Variants in EDEM3 observed in about 807,000 individuals in gnomAD.
EDEM3 encodes the protein ER degradation-enhancing alpha-mannosidase-like protein 3.
A neutral mutation model predicts 110.2 loss-of-function variants in EDEM3; 60 were observed. The ratio of observed to expected loss-of-function variants is 0.54; its 90% CI spans 0.44 to 0.67. EDEM3 has a LOEUF of 0.67. EDEM3 is among the 30% of genes least tolerant of loss of function. The probability of loss-of-function intolerance (pLI) is 0.00; values close to 1 mark genes in which losing one functional copy is unlikely to be tolerated. For missense variants in EDEM3, 996 were observed against 1,121.0 expected (o/e 0.89, Z 1.59); for synonymous variants, 352 against 382.9 (o/e 0.92, Z 0.94).
chr1:184,750,845 C>T (rs1469357687), intron 1 of EDEM3, among the ~76,000 whole-genome samples: 1 of 152,130 alleles, frequency 6.6e-6, no homozygotes, highest in African/African-American at 2.4e-5. Flanking sequence ...GTTCCAATCA[C>T]TGATGGCAAG....
At chr1:184,741,942 T>G (rs1254838748) in intron 2 of EDEM3, among the ~76,000 whole-genome samples, 1 of 152,036 alleles carries the variant, frequency 6.6e-6, no homozygotes, top group Non-Finnish European at 1.5e-5. Context: ...AAGACTAGAG[T>G]GGTCTTTTGT....
rs539744826 is a variant in EDEM3, at chr1:184,737,719, G to A, written c.205-8C>T. ...AGCAGGGTAAGCATGTTCCTGCAAGGAAAACTTTAGTAAGTTACTAAGGAA... is the reference window on the plus strand; with the variant it reads ...AGCAGGGTAAGCATGTTCCTGCAAGAAAAACTTTAGTAAGTTACTAAGGAA... On this transcript the variant is annotated splice_region_variant and splice_polypyrimidine_tract_variant and intron_variant, in intron 2 of 19. Coordinates refer to ENST00000318130, the MANE Select transcript of EDEM3 (RefSeq NM_025191.4). 14 of 1,611,174 alleles carry A rather than the reference G, an allele frequency of 8.7e-6. No homozygotes were observed. The highest frequency in any genetic ancestry group is 6.7e-5 in the East Asian group (3 of 44,824).
At chr1:184,728,180 G>C (rs55896922) in intron 6 of EDEM3, among the ~76,000 whole-genome samples, 11,285 of 152,098 alleles carry the variant, frequency 0.074, 471 homozygotes, top group African/African-American at 0.12. Context: ...AATCCAGACA[G>C]AGCAAATAAG....
At chr1:184,705,010 G>A (rs1462627669) in intron 18 of EDEM3, among the ~76,000 whole-genome samples, 1 of 152,162 alleles carries the variant, frequency 6.6e-6, no homozygotes, top group Non-Finnish European at 1.5e-5. Flanking sequence ...GATGGAGGTT[G>A]CAGTGAGCCA....
At chr1:184,724,176 CAT>C (rs1440619200) in intron 7 of EDEM3, among the ~76,000 whole-genome samples, 2 of 152,018 alleles carry the variant, frequency 1.3e-5, no homozygotes, top group Non-Finnish European at 2.9e-5. Flanking sequence ...TATTCACACA[CAT>C]GTATTATTAA....
intron 16 of EDEM3, among the ~76,000 whole-genome samples, chr1:184,709,748 CT>C (rs1650125145): frequency 6.6e-6 from 1 of 152,116 alleles, no homozygotes; most frequent in Non-Finnish European, 1.5e-5. Context: ...GAGATGAAAA[CT>C]TGAGGGTGTG....
chr1:184,708,819 G>A lies in EDEM3; in HGVS notation c.1846-475C>T, dbSNP rs188532431. ...CAGTCCTTTAAGAAATTTGTGTCTGGAGGAGAAAGACATGTAAAGTTAGCT... is the reference window on the plus strand; with the variant it reads ...CAGTCCTTTAAGAAATTTGTGTCTGAAGGAGAAAGACATGTAAAGTTAGCT... On this transcript the variant is annotated intron_variant, in intron 16 of 19. Coordinates refer to ENST00000318130, the MANE Select transcript of EDEM3 (RefSeq NM_025191.4). Among the ~76,000 whole-genome samples, 52 of 152,322 alleles carry A rather than the reference G, an allele frequency of 3.4e-4. 1 individual carries two copies. Among genetic ancestry groups the A allele is most frequent in the African/African-American group, 1.2e-3 (49 of 41,564 alleles).
chr1:184,712,066 AC>A (rs1418918742), intron 14 of EDEM3, among the ~76,000 whole-genome samples, 189 bp from the exon 15 acceptor site: 1 of 151,944 alleles, frequency 6.6e-6, no homozygotes, highest in Non-Finnish European at 1.5e-5. Context: ...AGCTGGGACT[AC>A]AGGCGCCCAC....
chr1:184,701,423 C>T (rs1473183772), intron 19 of EDEM3: 9 of 850,726 alleles, frequency 1.1e-5, no homozygotes, highest in East Asian at 1.5e-4. Context: ...TATATATGTA[C>T]TTGAGTGTGT....
In EDEM3 at chr1:184,694,391, G is replaced by A. The variant is rs1279146093; in HGVS notation, c.2471C>T (p.Ser824Phe). 4 of 1,612,248 alleles carry A rather than the reference G, an allele frequency of 2.5e-6. No individual in the cohort carries two copies. Among genetic ancestry groups the A allele is most frequent in the Non-Finnish European group, 1.7e-6 (2 of 1,179,458 alleles). Residue 824 changes from serine (S) to phenylalanine (F), a missense_variant, in exon 20 of 20, where the codon TCT (serine) becomes TTT (phenylalanine). Physicochemically the swap from Ser to Phe is radical, Grantham distance 155. This residue lies in a region of EDEM3 where 345 missense variants were observed against 402.0 expected (regional missense o/e 0.86). Transcript: ENST00000318130. ...TTGATCAACCAAATCAACCTCCTGA[G>A]AACTTGATGAAATCTGTTCACCACT... ...NQSGEQISSSSQEVDLVDQES... is the reference protein window; with the variant it reads ...NQSGEQISSSFQEVDLVDQES...
At chr1:184,717,198 A>G (rs1214075856) in intron 12 of EDEM3, among the ~76,000 whole-genome samples, 186 bp from the exon 13 acceptor site, 1 of 152,108 alleles carries the variant, frequency 6.6e-6, no homozygotes, top group East Asian at 1.9e-4. Flanking sequence ...TCTTAAATAC[A>G]CAATTATAAA....
intron 16 of EDEM3, among the ~76,000 whole-genome samples, chr1:184,709,699 T>C (rs935418685): frequency 5.9e-5 from 9 of 152,116 alleles, no homozygotes; most frequent in Admixed American, 5.9e-4. Context: ...GAAGGAAGAA[T>C]ACTCTTAAAA....
chr1:184,728,273 ATG>A (rs1320270754), intron 6 of EDEM3, among the ~76,000 whole-genome samples: 1 of 152,240 alleles, frequency 6.6e-6, no homozygotes, highest in East Asian at 1.9e-4. Context: ...AAGTGCTAAA[ATG>A]TGAATTTCAG....
intron 6 of EDEM3, among the ~76,000 whole-genome samples, chr1:184,730,033 G>A (rs932415997): frequency 6.6e-6 from 1 of 151,992 alleles, no homozygotes; most frequent in African/African-American, 2.4e-5. Flanking sequence ...GTACTAATAA[G>A]CAAAGAAATC....
chr1:184,747,039 T>C (rs1652470140), intron 2 of EDEM3, among the ~76,000 whole-genome samples: 1 of 151,094 alleles, frequency 6.6e-6, no homozygotes, highest in African/African-American at 2.4e-5. Context: ...AAAAACATTA[T>C]TTTACTTCAT....
chr1:184,706,346 TG>T (rs1170930531), intron 18 of EDEM3, among the ~76,000 whole-genome samples: 7 of 152,152 alleles, frequency 4.6e-5, no homozygotes, highest in Non-Finnish European at 1.0e-4. Flanking sequence ...ATGGATCTCA[TG>T]GGCACCTTTT....
chr1:184,711,754 C>A lies in EDEM3; in HGVS notation c.1660G>T (p.Asp554Tyr). 6.2e-7 allele frequency: 1 copy of A among 1,612,666 alleles called. No individual in the cohort carries two copies. The highest frequency in any genetic ancestry group is 8.5e-7 in the Non-Finnish European group (1 of 1,179,338). ...ATGATGCCTCTAGGACAGCTCTTATCCACCACATTTTTCAAGGGCTCACGA... is the reference window on the plus strand; with the variant it reads ...ATGATGCCTCTAGGACAGCTCTTATACACCACATTTTTCAAGGGCTCACGA... Reference protein sequence around the residue: ...SIREPLKNVVDKSCPRGIIRV... With the variant: ...SIREPLKNVVYKSCPRGIIRV... Residue 554 changes from aspartate (D) to tyrosine (Y), a missense_variant, in exon 15 of 20, where the codon GAT (aspartate) becomes TAT (tyrosine). By Grantham distance (160) the Asp-to-Tyr change is radical. Transcript: ENST00000318130.
intron 2 of EDEM3, among the ~76,000 whole-genome samples, chr1:184,748,491 G>C (rs1179470537): frequency 1.3e-5 from 2 of 151,320 alleles, no homozygotes; most frequent in Non-Finnish European, 2.9e-5. Flanking sequence ...AACATTAAGG[G>C]AATGACTGAG....
At position 184,732,852 on chromosome 1, in the gene EDEM3, G is replaced by A. The variant is rs2102109958; in HGVS notation, c.597C>T (p.Gly199=). 6.2e-7 allele frequency: 1 copy of A among 1,613,088 alleles called. No homozygotes were observed. The highest frequency in any genetic ancestry group is 8.5e-7 in the Non-Finnish European group (1 of 1,179,464). ...AAGTACTTACTCTTGGATAAGGAAG[G>A]CCACTGGTAGTGTTGAAAGCCGGTA... ...KLLPAFNTTS[G]LPYPRINLKF... is the part of the protein sequence containing the mutation. The change falls in exon 6 of 20, where the codon GGC becomes GGT. Residue 199 remains glycine, a synonymous_variant. Transcript: ENST00000318130.
Sources: gnomAD v4.1 joint callset for allele counts (sites outside exome capture counted in the v4.1 genomes callset) on GRCh38, gnomAD v4.1.1 for gene constraint, gnomAD v4.1.1 regional missense constraint, MANE v1.5 for transcripts, NCBI Gene and HGNC (gene_info 2026-07-23, HGNC 2026-07-21) for gene names.